Variants in PTPRN2 observed in about 807,000 individuals in gnomAD.
The protein encoded by PTPRN2 is protein tyrosine phosphatase receptor type N2.
PTPRN2 carries 74 observed loss-of-function variants against 118.8 expected under a neutral mutation model. That is an observed-to-expected ratio of 0.62 (90% CI 0.52 to 0.76). The LOEUF (loss-of-function observed/expected upper bound fraction) is 0.76. PTPRN2 is among the 30% of genes least tolerant of loss of function. The pLI is 0.00. For missense variants in PTPRN2, 1,481 were observed against 1,394.4 expected (o/e 1.06, Z -0.99); for synonymous variants, 641 against 608.0 (o/e 1.05, Z -0.80).
intron 1 of PTPRN2, among the ~76,000 whole-genome samples, chr7:158,530,982 ATG>A (rs916879487): frequency 2.6e-4 from 40 of 152,202 alleles, no homozygotes; most frequent in African/African-American, 9.2e-4. Flanking sequence ...CTGTATGCGG[ATG>A]TGTGTGGCCA....
Position 157,788,374 on chromosome 7 carries a change from C to CAAAAAAAAAAAAA in PTPRN2, c.1789-105450_1789-105438dup, listed in dbSNP as rs749886375. On this transcript the variant is annotated intron_variant, in intron 12 of 22. Coordinates refer to ENST00000389418, the MANE Select transcript of PTPRN2 (RefSeq NM_002847.5). The stretch of plus-strand genomic sequence containing the variant: ...TGGGAAACAGAATGAGACTCCATCT[C>CAAAAAAAAAAAAA]AAAAAAAAAAAAAAAAAAGAAAGTA... Among the ~76,000 whole-genome samples the CAAAAAAAAAAAAA allele has an allele frequency of 1.4e-3, 102 of 75,454 alleles. 2 individuals carry two copies. The highest frequency in any genetic ancestry group is 0.01 in the South Asian group (20 of 1,952). The allele number at this position is 75,454 out of a possible 152,430, so 49.5% of individuals were successfully genotyped here.
At chr7:158,044,874 A>G (rs1256619824) in intron 11 of PTPRN2, among the ~76,000 whole-genome samples, 1 of 152,256 alleles carries the variant, frequency 6.6e-6, no homozygotes, top group African/African-American at 2.4e-5. Flanking sequence ...TCTCAACGAG[A>G]GCACCTGGAG....
intron 12 of PTPRN2, among the ~76,000 whole-genome samples, chr7:157,848,850 G>A (rs1211647560): frequency 6.6e-6 from 1 of 152,248 alleles, no homozygotes; most frequent in Non-Finnish European, 1.5e-5. Context: ...CGACGCCTCT[G>A]CAGTCCCAGA....
chr7:158,188,031 C>T (rs1042992673), intron 5 of PTPRN2, among the ~76,000 whole-genome samples: 8 of 152,116 alleles, frequency 5.3e-5, no homozygotes, highest in African/African-American at 1.7e-4. Context: ...GCTCCTCCTC[C>T]ATGCACCCAG....
intron 3 of PTPRN2, among the ~76,000 whole-genome samples, chr7:158,304,620 G>A (rs550551927): frequency 2.6e-5 from 4 of 151,676 alleles, no homozygotes; most frequent in South Asian, 2.1e-4. Context: ...AGAAAGATGG[G>A]AAAACACTAA....
rs1804698077 is a variant in PTPRN2 at position 157,794,064 on chromosome 7, G to A, written c.1788+104609C>T. ...TCGAGGGGCCCAGGACAAGCTCGGG[G>A]CCCAGGTGGCCGGGAGGGGGCCGCC... is the stretch of plus-strand genomic sequence containing the variant. On this transcript the variant is annotated intron_variant, in intron 12 of 22. Transcript: ENST00000389418. This position sits in a 1 kb window ranked among gnomAD's most constrained non-coding sequence, Gnocchi z 5.2. Among the ~76,000 whole-genome samples the A allele has an allele frequency of 6.6e-6, 1 of 152,014 alleles. No homozygotes were observed. Among genetic ancestry groups the A allele is most frequent in the Non-Finnish European group, 1.5e-5 (1 of 68,028 alleles).
chr7:157,963,761 C>G (rs962137205), intron 11 of PTPRN2, among the ~76,000 whole-genome samples: 1 of 152,130 alleles, frequency 6.6e-6, no homozygotes, highest in Non-Finnish European at 1.5e-5. Context: ...CACCTCGGTG[C>G]TAGTCCACCC....
chr7:157,638,908 GCATT>G (rs1166657141), intron 14 of PTPRN2, among the ~76,000 whole-genome samples: 14 of 152,238 alleles, frequency 9.2e-5, no homozygotes, highest in Admixed American at 9.2e-4. Flanking sequence ...CAGAGGCAGA[GCATT>G]CTGGACACAG....
At chr7:158,283,267 G>A (rs1340176871) in intron 3 of PTPRN2, among the ~76,000 whole-genome samples, 1 of 152,246 alleles carries the variant, frequency 6.6e-6, no homozygotes, top group Admixed American at 6.5e-5. Flanking sequence ...TCCTATGTGG[G>A]AAATGAACCG....
chr7:158,376,786 T>A (rs1324002318), intron 2 of PTPRN2, among the ~76,000 whole-genome samples: 2 of 112,474 alleles, frequency 1.8e-5, no homozygotes, highest in Non-Finnish European at 3.5e-5. Flanking sequence ...CTGTCACACG[T>A]CCTGAGAGGG....
intron 3 of PTPRN2, among the ~76,000 whole-genome samples, chr7:158,229,583 A>C (rs1250274346): frequency 6.6e-6 from 1 of 152,114 alleles, no homozygotes; most frequent in Non-Finnish European, 1.5e-5. Context: ...ACTGAGAAAT[A>C]CATTTGCTGA....
At chr7:158,439,071 T>G (rs1260084109) in intron 2 of PTPRN2, among the ~76,000 whole-genome samples, 1 of 152,224 alleles carries the variant, frequency 6.6e-6, no homozygotes, top group Non-Finnish European at 1.5e-5. Flanking sequence ...CTCAAAAGAA[T>G]GCAAACTTTT....
At chr7:157,588,930 C>T (rs924654051) in intron 17 of PTPRN2, among the ~76,000 whole-genome samples, 4 of 152,066 alleles carry the variant, frequency 2.6e-5, no homozygotes, top group African/African-American at 9.7e-5. Flanking sequence ...ATTGGGCTCA[C>T]TCTGTATATC....
At position 158,468,380 on chromosome 7, in the gene PTPRN2, G is replaced by A. The variant is rs957299757; in HGVS notation, c.163+21355C>T. Among the ~76,000 whole-genome samples the A allele has an allele frequency of 7.2e-5, 11 of 152,186 alleles. No individual in the cohort carries two copies. In the South Asian group the frequency reaches 2.3e-3, roughly 32 times the overall value. On this transcript the variant is annotated intron_variant, in intron 2 of 22. Transcript: ENST00000389418. ...AGGGTGGGAGGGTTTCATCAGGATCGTCTTGCCCAGAGATCCTCAACTCTG... is the reference window on the plus strand; with the variant it reads ...AGGGTGGGAGGGTTTCATCAGGATCATCTTGCCCAGAGATCCTCAACTCTG...
chr7:158,240,838 C>T (rs1018311819), intron 3 of PTPRN2, among the ~76,000 whole-genome samples: 1 of 152,242 alleles, frequency 6.6e-6, no homozygotes, highest in Admixed American at 6.5e-5. Context: ...AGAAGAAAAA[C>T]ATCATTGAAT....
chr7:158,070,263 A>G (rs1001613807), intron 11 of PTPRN2, among the ~76,000 whole-genome samples: 57 of 149,748 alleles, frequency 3.8e-4, no homozygotes, highest in South Asian at 1.9e-3. Context: ...GCTCATGGTG[A>G]TGGAGGTGCT....
At chr7:157,593,131 C>T (rs1463502716) in intron 17 of PTPRN2, among the ~76,000 whole-genome samples, 1 of 129,174 alleles carries the variant, frequency 7.7e-6, no homozygotes, top group Non-Finnish European at 1.6e-5. Flanking sequence ...ACCTGCTGAA[C>T]TGAGAGTGGA....
chr7:158,221,650 G>T (rs1418495177), intron 3 of PTPRN2, among the ~76,000 whole-genome samples: 5 of 152,044 alleles, frequency 3.3e-5, no homozygotes, highest in African/African-American at 1.2e-4. Flanking sequence ...AAGCGGAAAG[G>T]GTTTCCTTCG....
intron 13 of PTPRN2, among the ~76,000 whole-genome samples, chr7:157,657,179 T>A (rs1404155983): frequency 1.7e-5 from 1 of 60,374 alleles, no homozygotes; most frequent in East Asian, 5.0e-4. Flanking sequence ...TACACACACA[T>A]ATGCCACACA....
Sources: gnomAD v4.1 joint callset for allele counts (sites outside exome capture counted in the v4.1 genomes callset) on GRCh38, gnomAD v4.1.1 for gene constraint, Gnocchi (gnomAD v3.1) non-coding constraint, MANE v1.5 for transcripts, NCBI Gene and HGNC (gene_info 2026-07-23, HGNC 2026-07-21) for gene names.